PCDH11Y: variants seen among roughly 807,000 people sequenced by gnomAD.
PCDH11Y encodes the protein protocadherin 11 Y-linked, also known as protocadherin-11 Y-linked.
For missense variants in PCDH11Y, 12 were observed against 224.8 expected, an observed-to-expected ratio of 0.05 and a Z score of 6.05; for synonymous variants, 9 against 83.6, an observed-to-expected ratio of 0.11 and a Z score of 4.87.
chrY:5,290,978 G>GA (rs2053066857), intron 2 of PCDH11Y, among the ~76,000 whole-genome samples: 2 of 19,112 alleles, frequency 1.0e-4, no homozygotes, highest in Non-Finnish European at 2.3e-4. Flanking sequence ...CCATTTGTGT[G>GA]AAAAATGTCA....
At chrY:5,549,349 G>GA in intron 3 of PCDH11Y, among the ~76,000 whole-genome samples, 1 of 29,250 alleles carries the variant, frequency 3.4e-5, no homozygotes, top group East Asian at 8.8e-4. Flanking sequence ...GCAGGCATAT[G>GA]AAAAAAATCT....
At chrY:5,234,963 T>A in intron 2 of PCDH11Y, among the ~76,000 whole-genome samples, 1 of 31,672 alleles carries the variant, frequency 3.2e-5, no homozygotes, top group African/African-American at 1.2e-4. Context: ...ACATCTCTCA[T>A]TTTTCTTCTT....
intron 2 of PCDH11Y, among the ~76,000 whole-genome samples, chrY:5,365,951 GATTA>G (rs2053179744): frequency 3.0e-5 from 1 of 33,678 alleles, no homozygotes; most frequent in Non-Finnish European, 7.4e-5. Context: ...ATTGCAACAT[GATTA>G]ATTACTTAGT....
At chrY:5,024,199 A>G in intron 1 of PCDH11Y, among the ~76,000 whole-genome samples, 4 of 33,368 alleles carry the variant, frequency 1.2e-4, no homozygotes, top group Admixed American at 2.8e-4. Flanking sequence ...ATCTATTTCA[A>G]CCAGTAAACA....
chrY:5,659,821 C>T, intron 4 of PCDH11Y, among the ~76,000 whole-genome samples: 1 of 24,993 alleles, frequency 4.0e-5, no homozygotes, highest in Non-Finnish European at 9.0e-5. Context: ...ATTATTATTC[C>T]CCCTGCTTTT....
intron 4 of PCDH11Y, among the ~76,000 whole-genome samples, chrY:5,626,920 G>A: frequency 3.0e-5 from 1 of 33,147 alleles, no homozygotes; most frequent in South Asian, 6.8e-4. Context: ...ATGCTCCTAA[G>A]AGAATGGGAA....
chrY:5,139,245 G>A (rs1256991885), intron 2 of PCDH11Y, among the ~76,000 whole-genome samples: 1 of 33,345 alleles, frequency 3.0e-5, no homozygotes, highest in Non-Finnish European at 7.5e-5. Context: ...ATACCTCAAG[G>A]TAATAAAAGC....
intron 2 of PCDH11Y, among the ~76,000 whole-genome samples, chrY:5,240,369 C>T: frequency 3.1e-5 from 1 of 32,733 alleles, no homozygotes; most frequent in Non-Finnish European, 7.4e-5. Context: ...ATTTTGACCT[C>T]CTCCCATGAA....
intron 4 of PCDH11Y, among the ~76,000 whole-genome samples, chrY:5,734,320 C>T (rs2053607897): frequency 3.1e-5 from 1 of 32,436 alleles, no homozygotes; most frequent in African/African-American, 1.2e-4. Flanking sequence ...AGCAAGTGGG[C>T]GCTCCAGATG....
At chrY:5,372,920 TCCC>T in intron 2 of PCDH11Y, among the ~76,000 whole-genome samples, 1 of 7,171 alleles carries the variant, frequency 1.4e-4, no homozygotes, top group Non-Finnish European at 2.7e-4. Context: ...CTTCCTTCCC[TCCC>T]TCCCTCCCTC....
At chrY:5,645,269 G>A in intron 4 of PCDH11Y, among the ~76,000 whole-genome samples, 1 of 33,036 alleles carries the variant, frequency 3.0e-5, no homozygotes, top group Non-Finnish European at 7.4e-5. Flanking sequence ...ACTTTGAAGA[G>A]TATCTGCCCT....
intron 2 of PCDH11Y, among the ~76,000 whole-genome samples, chrY:5,121,548 C>T: frequency 1.2e-4 from 4 of 32,986 alleles, no homozygotes; most frequent in African/African-American, 4.8e-4. Flanking sequence ...TGTTAATCTC[C>T]TTTGCCAACA....
At chrY:5,679,945 C>G in intron 4 of PCDH11Y, among the ~76,000 whole-genome samples, 1 of 28,250 alleles carries the variant, frequency 3.5e-5, no homozygotes, top group African/African-American at 1.4e-4. Flanking sequence ...TGAGTGCCAG[C>G]TTAGCCACAA....
At chrY:5,029,757 A>T (rs2052585926) in intron 1 of PCDH11Y, among the ~76,000 whole-genome samples, 1 of 28,395 alleles carries the variant, frequency 3.5e-5, no homozygotes, top group African/African-American at 1.4e-4. Flanking sequence ...ACCCTGTCTC[A>T]ACTAAAAATA....
chrY:5,469,249 G>T, intron 2 of PCDH11Y, among the ~76,000 whole-genome samples: 4 of 31,903 alleles, frequency 1.3e-4, no homozygotes, highest in Admixed American at 1.2e-3. Context: ...CTAGTTTATG[G>T]TATTTTGTTA....
intron 2 of PCDH11Y, among the ~76,000 whole-genome samples, chrY:5,297,299 C>T: frequency 3.1e-5 from 1 of 32,714 alleles, no homozygotes. Flanking sequence ...AAGTAGGAGT[C>T]CCTTTCATTG....
intron 2 of PCDH11Y, among the ~76,000 whole-genome samples, chrY:5,165,626 C>A: frequency 3.1e-5 from 1 of 32,210 alleles, no homozygotes; most frequent in Non-Finnish European, 7.6e-5. Flanking sequence ...AATCAAGGAC[C>A]TCAGGCTTAA....
At chrY:5,248,326 C>G in intron 2 of PCDH11Y, among the ~76,000 whole-genome samples, 1 of 26,932 alleles carries the variant, frequency 3.7e-5, no homozygotes, top group African/African-American at 1.5e-4. Context: ...CAAAGATCCT[C>G]AAAAAAATAC....
chrY:5,340,642 GTTAGCTCAACAC>G (rs2124668728), intron 2 of PCDH11Y, among the ~76,000 whole-genome samples: 1 of 33,850 alleles, frequency 3.0e-5, no homozygotes, highest in South Asian at 6.5e-4. Flanking sequence ...GAGTGTTTTA[GTTAGCTCAACAC>G]TTAGCTTTTA....
Sources: allele counts gnomAD v4.1 joint callset (sites outside exome capture counted in the v4.1 genomes callset), GRCh38; gene constraint gnomAD v4.1.1; transcripts MANE v1.5; gene names NCBI Gene and HGNC (gene_info 2026-07-23, HGNC 2026-07-21).